Variants in RUNX2 observed in about 807,000 individuals in gnomAD.
RUNX2 encodes the protein runt-related transcription factor 2.
RUNX2 carries 10 observed loss-of-function variants against 51.7 expected under a neutral mutation model. The ratio of observed to expected loss-of-function variants is 0.19; its 90% CI spans 0.12 to 0.33. The LOEUF (loss-of-function observed/expected upper bound fraction) is 0.33, where lower values mean the gene tolerates loss of function less well. Ranked by LOEUF, RUNX2 falls within the 10% of genes least tolerant of loss-of-function variation. RUNX2 has a pLI of 1.00. For synonymous variants in RUNX2, 276 were observed against 273.6 expected, an observed-to-expected ratio of 1.01 and a Z score of -0.09; for missense variants, 562 against 691.3, an observed-to-expected ratio of 0.81 and a Z score of 2.10.
rs1336427494 is a variant in RUNX2, at chr6:45,550,670, C to T, written c.*3365C>T. ...TAGATGTGTGTTTACTTCATGTTTA[C>T]AAATAACTGTTTGCTTTTTAATGCA... On this transcript the variant is annotated 3_prime_UTR_variant, in exon 9 of 9. Transcript: ENST00000647337. 2.6e-5 allele frequency: 4 copies of T among 152,610 alleles called. No individual in the cohort carries two copies. The highest frequency in any genetic ancestry group is 4.4e-5 in the Non-Finnish European group (3 of 68,026). 9.5% of individuals were successfully genotyped at this position (152,610 alleles called of 1,614,324 possible).
intron 6 of RUNX2, among the ~76,000 whole-genome samples, chr6:45,495,068 A>C (rs565519931): frequency 6.6e-6 from 1 of 152,318 alleles, no homozygotes; most frequent in East Asian, 1.9e-4. Flanking sequence ...CCACTGTGTT[A>C]TCTTCTTCAG....
rs144321470 is a variant in RUNX2 at position 45,547,352 on chromosome 6, C to T, written c.*47C>T. The T allele has an allele frequency of 2.5e-4, 339 of 1,347,310 alleles. 1 individual carries two copies. The East Asian group carries it at 2.9e-3, about 12-fold the overall frequency. The allele number at this position is 1,347,310 out of a possible 1,614,324, so 83.5% of individuals were successfully genotyped here. On this transcript the variant is annotated 3_prime_UTR_variant, in exon 9 of 9. Transcript: ENST00000647337. The stretch of plus-strand genomic sequence containing the variant: ...TGGTATCTGGGGGCCACATCCCACA[C>T]GTATCAATATATACATATATAGAGA...
At chr6:45,544,694 C>T (rs1802339561) in intron 7 of RUNX2, among the ~76,000 whole-genome samples, 1 of 152,184 alleles carries the variant, frequency 6.6e-6, no homozygotes, top group African/African-American at 2.4e-5. Flanking sequence ...AAGTGCCCTG[C>T]CCATCGCTGT....
In RUNX2 at chr6:45,544,082, G is replaced by A. The variant is rs182635901; in HGVS notation, c.1022-1135G>A. Among the ~76,000 whole-genome samples the A allele has an allele frequency of 5.3e-5, 8 of 151,906 alleles. No individual in the cohort carries two copies. The East Asian group carries it at 1.4e-3, about 26-fold the overall frequency. ...TTCCAGAAAATTCTATTGTTTGTAA[G>A]TTGAAAAATCATCCTATAATCCCTT... On this transcript the variant is annotated intron_variant, in intron 7 of 8. Coordinates refer to ENST00000647337, the MANE Select transcript of RUNX2 (RefSeq NM_001024630.4).
At chr6:45,461,410 G>A (rs1438073861) in intron 5 of RUNX2, among the ~76,000 whole-genome samples, 2 of 152,182 alleles carry the variant, frequency 1.3e-5, no homozygotes, top group Non-Finnish European at 2.9e-5. Context: ...TACGGAAGAC[G>A]TAGAAGGGAA....
At chr6:45,425,826 T>C (rs562460837) in intron 3 of RUNX2, among the ~76,000 whole-genome samples, 14 of 152,298 alleles carry the variant, frequency 9.2e-5, no homozygotes, top group Admixed American at 7.2e-4. Flanking sequence ...TTTAGAGCTA[T>C]GTAAAAAATA....
At chr6:45,351,008 T>C (rs1281529636) in intron 2 of RUNX2, among the ~76,000 whole-genome samples, 1 of 152,080 alleles carries the variant, frequency 6.6e-6, no homozygotes, top group Non-Finnish European at 1.5e-5. Flanking sequence ...GGATCTAAGT[T>C]CTGCGCTCCT....
chr6:45,378,187 C>G (rs2150339335), intron 2 of RUNX2, among the ~76,000 whole-genome samples: 1 of 152,318 alleles, frequency 6.6e-6, no homozygotes, highest in Admixed American at 6.5e-5. Context: ...GCGTTTAGAG[C>G]TGGGGACGCT....
intron 6 of RUNX2, among the ~76,000 whole-genome samples, chr6:45,508,919 C>T (rs1582187813): frequency 6.6e-6 from 1 of 152,136 alleles, no homozygotes; most frequent in Non-Finnish European, 1.5e-5. Flanking sequence ...TTATTGAGTA[C>T]TATGTGCAAG....
chr6:45,377,323 A>G (rs1304400663), intron 2 of RUNX2: 1 of 152,218 alleles, frequency 6.6e-6, no homozygotes, highest in Non-Finnish European at 1.5e-5. Flanking sequence ...CACAGAGAAC[A>G]CAGCGGATCT....
At chr6:45,438,868 T>A (rs1412282200) in intron 5 of RUNX2, among the ~76,000 whole-genome samples, 1 of 152,180 alleles carries the variant, frequency 6.6e-6, no homozygotes, top group African/African-American at 2.4e-5. Flanking sequence ...CATTAACAAT[T>A]GTGTGCCAAT....
At chr6:45,437,562 C>G (rs2150371549) in intron 4 of RUNX2, among the ~76,000 whole-genome samples, 1 of 152,228 alleles carries the variant, frequency 6.6e-6, no homozygotes, top group African/African-American at 2.4e-5. Flanking sequence ...AGGTCATGAC[C>G]CAACCCTAAA....
chr6:45,343,636 C>T (rs887013435), intron 2 of RUNX2, among the ~76,000 whole-genome samples: 1 of 152,172 alleles, frequency 6.6e-6, no homozygotes, highest in African/African-American at 2.4e-5. Flanking sequence ...AGTTGCATAA[C>T]AGTACGAACT....
At chr6:45,389,450 A>G (rs1015275210) in intron 2 of RUNX2, among the ~76,000 whole-genome samples, 1 of 152,212 alleles carries the variant, frequency 6.6e-6, no homozygotes, top group Admixed American at 6.6e-5. Flanking sequence ...AGGTGATTTA[A>G]CCAAGTATGT....
chr6:45,395,359 C>T lies in RUNX2; in HGVS notation c.59-27234C>T, dbSNP rs557396421. On this transcript the variant is annotated intron_variant, in intron 2 of 8. Transcript: ENST00000647337. ...TGAACATCTATCAGCTGAAGTCACG[C>T]TGGTACTCAGTGATAGAATGACATA... 3.9e-5 allele frequency among the ~76,000 whole-genome samples: 6 copies of T among 152,298 alleles called. No homozygotes were observed. The South Asian group carries it at 1.0e-3, about 26-fold the overall frequency.
At chr6:45,368,368 G>A (rs978401993) in intron 2 of RUNX2, among the ~76,000 whole-genome samples, 7 of 152,014 alleles carry the variant, frequency 4.6e-5, no homozygotes, top group African/African-American at 1.2e-4. Context: ...AGAAAAATTG[G>A]CATTTACCTT....
At chr6:45,362,176 C>T (rs1358844112) in intron 2 of RUNX2, among the ~76,000 whole-genome samples, 2 of 152,164 alleles carry the variant, frequency 1.3e-5, no homozygotes, top group East Asian at 3.8e-4. Context: ...AGATTGGTTG[C>T]CAGTTCTAGA....
chr6:45,391,081 G>A (rs1797459047), intron 2 of RUNX2, among the ~76,000 whole-genome samples: 3 of 152,170 alleles, frequency 2.0e-5, no homozygotes, highest in African/African-American at 7.2e-5. Flanking sequence ...CGGAAAAAAT[G>A]GACTTCTAAA....
intron 2 of RUNX2, among the ~76,000 whole-genome samples, chr6:45,413,031 G>A (rs904898820): frequency 2.0e-5 from 3 of 151,950 alleles, no homozygotes; most frequent in African/African-American, 4.8e-5. Context: ...GATTACAGGC[G>A]TGAGCCACTA....
Sources: allele counts gnomAD v4.1 joint callset (sites outside exome capture counted in the v4.1 genomes callset), GRCh38; gene constraint gnomAD v4.1.1; transcripts MANE v1.5; gene names NCBI Gene and HGNC (gene_info 2026-07-23, HGNC 2026-07-21).